TEKT1: variants seen among roughly 807,000 people sequenced by gnomAD.
TEKT1 encodes the protein tektin-1.
Under a neutral mutation model 34.8 loss-of-function variants are expected in TEKT1, and 32 were observed. The observed-to-expected ratio is 0.92, with a 90% CI of 0.69 to 1.23. The LOEUF is 1.23. TEKT1 is among the 50% of genes most tolerant of loss of function. The pLI is 0.00. For synonymous variants in TEKT1, 207 were observed against 199.8 expected (o/e 1.04, Z -0.30); for missense variants, 492 against 518.5 (o/e 0.95, Z 0.50).
intron 4 of TEKT1, 96 bp downstream of exon 4, chr17:6,815,738 C>G: frequency 6.5e-7 from 1 of 1,544,984 alleles, no homozygotes; most frequent in South Asian, 1.2e-5. Context: ...AATGTTGAAC[C>G]CCTTTCTTTC....
At chr17:6,814,351 G>T (rs1047414759) in intron 5 of TEKT1, among the ~76,000 whole-genome samples, 13 of 152,232 alleles carry the variant, frequency 8.5e-5, no homozygotes, top group Non-Finnish European at 1.9e-4. Flanking sequence ...CAAAAAGAAG[G>T]TTTTAAAAAT....
At chr17:6,830,476 T>C in intron 1 of TEKT1, 83 bp from the exon 2 acceptor site, 1 of 943,074 alleles carries the variant, frequency 1.1e-6, no homozygotes, top group Non-Finnish European at 1.5e-6. Flanking sequence ...ATGACATATA[T>C]ACGGAAAATT....
At chr17:6,823,015 C>A (rs1977114512) in intron 2 of TEKT1, among the ~76,000 whole-genome samples, 5 of 152,218 alleles carry the variant, frequency 3.3e-5, no homozygotes, top group African/African-American at 1.2e-4. Flanking sequence ...ACAGAAAAGT[C>A]CTCCAGTCTC....
chr17:6,812,132 GT>G, intron 6 of TEKT1, among the ~76,000 whole-genome samples: 2 of 152,052 alleles, frequency 1.3e-5, no homozygotes, highest in Admixed American at 6.5e-5. Context: ...AAAAGTGGCA[GT>G]TTCCCCTGCA....
At chr17:6,806,422 A>G (rs903404695) in intron 6 of TEKT1, among the ~76,000 whole-genome samples, 3 of 152,072 alleles carry the variant, frequency 2.0e-5, no homozygotes, top group African/African-American at 7.2e-5. Context: ...TCTTTATCCA[A>G]TTTGCCAGTC....
chr17:6,804,551 G>A (rs1976819723), intron 6 of TEKT1, among the ~76,000 whole-genome samples: 1 of 152,190 alleles, frequency 6.6e-6, no homozygotes, highest in African/African-American at 2.4e-5. Context: ...TTTTCAAAGG[G>A]AATGTTTCCA....
Position 6,819,928 on chromosome 17 carries a change from T to C in TEKT1, c.191-570A>G, listed in dbSNP as rs189879117. Among the ~76,000 whole-genome samples, 5 of 152,334 alleles carry C rather than the reference T, an allele frequency of 3.3e-5. No homozygotes were observed. In the South Asian group the frequency reaches 1.0e-3, roughly 32 times the overall value. Reference sequence around the variant, plus strand: ...TGGTCTCGATCTCCTGACCTCGTGATCCGCCTGCCTCGGCCTCCCAAAGTG... The same window carrying C: ...TGGTCTCGATCTCCTGACCTCGTGACCCGCCTGCCTCGGCCTCCCAAAGTG... On this transcript the variant is annotated intron_variant, in intron 2 of 7. Transcript: ENST00000338694.
In TEKT1 at chr17:6,815,180, G is replaced by A. The variant is rs146275248; in HGVS notation, c.612C>T (p.Ala204=). The change falls in exon 5 of 8, where the codon GCC becomes GCT. Residue 204 remains alanine, a synonymous_variant. Transcript: ENST00000338694. ...NSPNIRYSEN[A]VRIEPNSVSL... Reference sequence around the variant, plus strand: ...CCACTCACTTTGGCTCAATCCTCACGGCGTTCTCAGAATATCTGATGTTTG... The same window carrying A: ...CCACTCACTTTGGCTCAATCCTCACAGCGTTCTCAGAATATCTGATGTTTG... 206 of 1,613,104 alleles carry A rather than the reference G, an allele frequency of 1.3e-4. No homozygotes were observed. The African/African-American group carries it at 2.4e-3, about 19-fold the overall frequency.
chr17:6,811,259 T>C lies in TEKT1; in HGVS notation c.852+1572A>G, dbSNP rs1976923795. On this transcript the variant is annotated intron_variant, in intron 6 of 7. Coordinates refer to ENST00000338694, the MANE Select transcript of TEKT1 (RefSeq NM_053285.2). This position sits in a 1 kb window ranked among gnomAD's most constrained non-coding sequence, Gnocchi z 4.4. ...ATCATCATCATCATCAATCAACTAT[T>C]TTTATTATTTATATGTATGATATTA... Among the ~76,000 whole-genome samples, 1 of 152,078 alleles carries C rather than the reference T, an allele frequency of 6.6e-6. No individual in the cohort carries two copies. The highest frequency in any genetic ancestry group is 2.4e-5 in the African/African-American group (1 of 41,398).
At chr17:6,826,045 T>C (rs1303296698) in intron 2 of TEKT1, among the ~76,000 whole-genome samples, 1 of 152,244 alleles carries the variant, frequency 6.6e-6, no homozygotes. Context: ...ATTACAGCAA[T>C]TTGTATTTCC....
chr17:6,824,269 C>T, intron 2 of TEKT1, among the ~76,000 whole-genome samples: 1 of 152,160 alleles, frequency 6.6e-6, no homozygotes, highest in East Asian at 1.9e-4. Context: ...GTCTAATCTA[C>T]CCTTATGGCT....
chr17:6,799,958 T>C lies in TEKT1; in HGVS notation c.*69A>G. ...GGCTAGAGGCCCCGCCAGCCTGAAATGAGAGCTCTGTACTACTGTAACTAC... is the reference window on the plus strand; with the variant it reads ...GGCTAGAGGCCCCGCCAGCCTGAAACGAGAGCTCTGTACTACTGTAACTAC... On this transcript the variant is annotated 3_prime_UTR_variant, in exon 8 of 8. Coordinates refer to ENST00000338694, the MANE Select transcript of TEKT1 (RefSeq NM_053285.2). The C allele has an allele frequency of 6.9e-7, 1 of 1,451,042 alleles. No individual in the cohort carries two copies. The allele number at this position is 1,451,042 out of a possible 1,614,324, so 89.9% of individuals were successfully genotyped here. A position where few individuals can be genotyped will look rare whatever the true frequency, so the allele number is the denominator to read the frequency against.
In TEKT1 at chr17:6,800,061, CA is replaced by C. The variant is rs754800801; in HGVS notation, c.1222del (p.Trp408GlyfsTer21). ...AGCATCAGGGCGGAGGCCCCCAGCC[CA>C]GACCCCATGGTCTTCCCCATCCCGA... ...PLRDGEDHGV[W>X]AGGLRPDAVC On this transcript the variant is annotated frameshift_variant, in exon 8 of 8. Coordinates refer to ENST00000338694, the MANE Select transcript of TEKT1 (RefSeq NM_053285.2). LOFTEE classifies it high-confidence loss of function. The C allele has an allele frequency of 1.6e-5, 26 of 1,611,880 alleles. No homozygotes were observed. Among genetic ancestry groups the C allele is most frequent in the Non-Finnish European group, 2.2e-5 (26 of 1,180,016 alleles).
At chr17:6,824,024 G>A (rs530263697) in intron 2 of TEKT1, among the ~76,000 whole-genome samples, 177 of 151,970 alleles carry the variant, frequency 1.2e-3, no homozygotes, top group African/African-American at 3.0e-3. Context: ...AGGTCTCACC[G>A]TGTTAGCCAG....
intron 7 of TEKT1, 100 bp from the exon 8 acceptor site, chr17:6,800,334 A>G (rs1976752475): frequency 1.1e-6 from 1 of 944,158 alleles, no homozygotes; most frequent in African/African-American, 1.6e-5. Context: ...AGCCAAATTG[A>G]TATGTGCTCT....
chr17:6,809,906 C>T (rs960860483), intron 6 of TEKT1, among the ~76,000 whole-genome samples: 11 of 152,194 alleles, frequency 7.2e-5, no homozygotes, highest in African/African-American at 2.7e-4. Context: ...CCTATCTTAG[C>T]TGTTTGCAAG....
chr17:6,820,699 C>G (rs1977074628), intron 2 of TEKT1, among the ~76,000 whole-genome samples: 4 of 152,108 alleles, frequency 2.6e-5, no homozygotes, highest in Admixed American at 1.3e-4. Flanking sequence ...ATGAGTTGCT[C>G]TCTAGTTTGC....
At chr17:6,816,199 A>G (rs1016402751) in intron 3 of TEKT1, among the ~76,000 whole-genome samples, 2 of 152,052 alleles carry the variant, frequency 1.3e-5, no homozygotes, top group African/African-American at 4.8e-5. Context: ...TGCCAAATGG[A>G]CTTTTTTTTC....
intron 6 of TEKT1, among the ~76,000 whole-genome samples, chr17:6,810,808 G>A (rs1054295929): frequency 2.0e-5 from 3 of 151,970 alleles, no homozygotes; most frequent in Non-Finnish European, 4.4e-5. Flanking sequence ...GCACAATCTC[G>A]GCTCACTGCA....
Sources: allele counts gnomAD v4.1 joint callset (sites outside exome capture counted in the v4.1 genomes callset), GRCh38; gene constraint gnomAD v4.1.1; non-coding constraint Gnocchi (gnomAD v3.1); transcripts MANE v1.5; gene names NCBI Gene and HGNC (gene_info 2026-07-23, HGNC 2026-07-21).